CABP2: variants seen among roughly 807,000 people sequenced by gnomAD.
CABP2 encodes the protein calcium binding protein 2, also known as calcium-binding protein 2.
A neutral mutation model predicts 28.6 loss-of-function variants in CABP2; 25 were observed. The ratio of observed to expected loss-of-function variants is 0.87; its 90% confidence interval spans 0.64 to 1.22. The LOEUF is 1.22. Among genes scored for constraint, CABP2 ranks in the 50% most tolerant of loss-of-function variants. The pLI, the probability that CABP2 is intolerant of heterozygous loss-of-function variation, is 0.00. For synonymous variants in CABP2, 138 were observed against 126.0 expected (o/e 1.09, Z -0.64); for missense variants, 310 against 312.2 (o/e 0.99, Z 0.05).
Position 67,521,838 on chromosome 11 carries a change from T to G in CABP2, c.244+114A>C. 4 of 964,010 alleles carry G rather than the reference T, an allele frequency of 4.1e-6. No individual in the cohort carries two copies. The South Asian group carries it at 5.8e-5, about 14-fold the overall frequency. The allele number at this position is 964,010 out of a possible 1,614,324, so 59.7% of individuals were successfully genotyped here. ...CCCCTGCAGCCTTCTTGCTCCCACT[T>G]CCTCCTGGAAACACTGAGGCCCCCA... On this transcript the variant is annotated intron_variant, in intron 3 of 6. Transcript: ENST00000294288.
chr11:67,523,382 C>A lies in CABP2; in HGVS notation c.-56G>T, dbSNP rs771474385. ...CGGGGGTGGCCCGGGTGGGCCTCGG[C>A]GGATGCTGCTGCCTGAGGACTCCTG... is the stretch of plus-strand genomic sequence containing the variant. On this transcript the variant is annotated 5_prime_UTR_variant, in exon 1 of 7. Coordinates refer to ENST00000294288, the MANE Select transcript of CABP2 (RefSeq NM_016366.3). The A allele has an allele frequency of 3.4e-6, 5 of 1,475,662 alleles. No individual in the cohort carries two copies. The highest frequency in any genetic ancestry group is 1.3e-5 in the South Asian group (1 of 78,834). 91.4% of individuals were successfully genotyped at this position (1,475,662 alleles called of 1,614,324 possible). A position where few individuals can be genotyped will look rare whatever the true frequency, so the allele number is the denominator to read the frequency against.
At position 67,522,718 on chromosome 11, in the gene CABP2, T is replaced by C; in HGVS notation, c.43-2A>G. The C allele has an allele frequency of 6.7e-7, 1 of 1,485,290 alleles. No homozygotes were observed. Among genetic ancestry groups the C allele is most frequent in the Non-Finnish European group, 9.0e-7 (1 of 1,113,768 alleles). 92.0% of individuals were successfully genotyped at this position (1,485,290 alleles called of 1,614,324 possible). A position where few individuals can be genotyped will look rare whatever the true frequency, so the allele number is the denominator to read the frequency against. On this transcript the variant is annotated splice_acceptor_variant, in intron 1 of 6. Transcript: ENST00000294288. LOFTEE classifies it high-confidence loss of function. Reference sequence around the variant, plus strand: ...GGAGCCGAGCCACTGCAAGGGGTCCTGCAGCAGAGCCGGCCGTGAGCTGGG... The same window carrying C: ...GGAGCCGAGCCACTGCAAGGGGTCCCGCAGCAGAGCCGGCCGTGAGCTGGG...
chr11:67,519,818 A>G lies in CABP2; in HGVS notation c.612T>C (p.Asn204=). 6.2e-7 allele frequency: 1 copy of G among 1,614,036 alleles called. No homozygotes were observed. Among genetic ancestry groups the G allele is most frequent in the East Asian group, 2.2e-5 (1 of 44,884 alleles). ...VDEILQDVDL[N]GDGLVDFEEF... ...CTTCGAAGTCGACCAGACCGTCCCCATTGAGGTCCACGTCCTGGAGGATCT... is the reference window on the plus strand; with the variant it reads ...CTTCGAAGTCGACCAGACCGTCCCCGTTGAGGTCCACGTCCTGGAGGATCT... The change falls in exon 6 of 7, where the codon AAT becomes AAC. Residue 204 remains asparagine, a synonymous_variant. Coordinates refer to ENST00000294288, the MANE Select transcript of CABP2 (RefSeq NM_016366.3).
chr11:67,520,041 G>C lies in CABP2; in HGVS notation c.489+10C>G, dbSNP rs762453427. 6.2e-7 allele frequency: 1 copy of C among 1,610,454 alleles called. No homozygotes were observed. Among genetic ancestry groups the C allele is most frequent in the East Asian group, 2.2e-5 (1 of 44,850 alleles). ...GCAGCCCTGCCCGCCCTCAGCCCCA[G>C]TGGCCGCACCTCCCGGAAGGCGTCC... On this transcript the variant is annotated intron_variant, in intron 5 of 6. Coordinates refer to ENST00000294288, the MANE Select transcript of CABP2 (RefSeq NM_016366.3).
At chr11:67,520,030 C>T (rs1255773675) in intron 5 of CABP2, 21 bp downstream of exon 5, 2 of 1,608,398 alleles carry the variant, frequency 1.2e-6, no homozygotes, top group Non-Finnish European at 1.7e-6. Flanking sequence ...CCCTGCCCGC[C>T]CTCAGCCCCA....
At position 67,523,283 on chromosome 11, in the gene CABP2, A is replaced by T. The variant is rs1866778912; in HGVS notation, c.42+2T>A. 1.3e-6 allele frequency: 2 copies of T among 1,553,506 alleles called. No homozygotes were observed. Among genetic ancestry groups the T allele is most frequent in the Non-Finnish European group, 1.7e-6 (2 of 1,147,746 alleles). ...CTGGGTTTCTCCCCTGACCCCTCCT[A>T]CCTTAGGGCCCCGGCGCCAGGGCCG... is the stretch of plus-strand genomic sequence containing the variant. On this transcript the variant is annotated splice_donor_variant, in intron 1 of 6. Coordinates refer to ENST00000294288, the MANE Select transcript of CABP2 (RefSeq NM_016366.3). LOFTEE classifies it high-confidence loss of function.
Position 67,519,926 on chromosome 11 carries a change from C to T in CABP2, c.504G>A (p.Gly168=), listed in dbSNP as rs1017085785. The change falls in exon 6 of 7, where the codon GGG becomes GGA. Residue 168 remains glycine (G), a synonymous_variant. Transcript: ENST00000294288. The part of the protein sequence containing the change: ...RDAFREFDTN[G]DGRISVGELR... ...GCTCGCCCACGCTGATGCGGCCGTC[C>T]CCATTGGTGTCGAACTGTGGCGGCG... The T allele has an allele frequency of 3.7e-6, 6 of 1,608,866 alleles. No individual in the cohort carries two copies. The highest frequency in any genetic ancestry group is 3.3e-5 in the Admixed American group (2 of 59,918).
chr11:67,522,299 C>T (rs1038979789), intron 2 of CABP2, among the ~76,000 whole-genome samples: 1 of 152,148 alleles, frequency 6.6e-6, no homozygotes, highest in Non-Finnish European at 1.5e-5. Flanking sequence ...TTGGTCCCGC[C>T]AGCCTCAATG....
intron 3 of CABP2, 78 bp from the exon 4 acceptor site, chr11:67,521,237 GT>G: frequency 6.9e-7 from 1 of 1,443,628 alleles, no homozygotes; most frequent in Non-Finnish European, 9.4e-7. Flanking sequence ...TTCTCCCTTG[GT>G]CCAATCATCC....
chr11:67,521,626 C>T (rs1252974285), intron 3 of CABP2, among the ~76,000 whole-genome samples: 3 of 152,204 alleles, frequency 2.0e-5, no homozygotes. Flanking sequence ...ATCTGTCTAG[C>T]TGGCCATGTT....
At position 67,523,160 on chromosome 11, in the gene CABP2, T is replaced by C. The variant is rs534144050; in HGVS notation, c.42+125A>G. ...GAGGCTGTGGCTTCCAGGAAAAAAA[T>C]CTCCACCTGGGGCAGTGGGCAGCCC... is the stretch of plus-strand genomic sequence containing the variant. On this transcript the variant is annotated intron_variant, in intron 1 of 6. Coordinates refer to ENST00000294288, the MANE Select transcript of CABP2 (RefSeq NM_016366.3). The C allele has an allele frequency of 1.2e-5, 9 of 723,532 alleles. No homozygotes were observed. The Admixed American group carries it at 2.4e-4, about 20-fold the overall frequency. 44.8% of individuals were successfully genotyped at this position (723,532 alleles called of 1,614,324 possible).
intron 3 of CABP2, 38 bp downstream of exon 3, chr11:67,521,914 T>TCCCCCC: frequency 1.9e-6 from 1 of 529,956 alleles, no homozygotes; most frequent in Non-Finnish European, 2.5e-6. Context: ...CCATGCCACC[T>TCCCCCC]CCCCTTCAGG....
chr11:67,521,560 A>G (rs1866747938), intron 3 of CABP2, among the ~76,000 whole-genome samples: 1 of 152,026 alleles, frequency 6.6e-6, no homozygotes, highest in Non-Finnish European at 1.5e-5. Flanking sequence ...GAGCACATGC[A>G]CCATTTGTAC....
At chr11:67,520,273 C>G in intron 4 of CABP2, 113 bp from the exon 5 acceptor site, 3 of 668,036 alleles carry the variant, frequency 4.5e-6, no homozygotes, top group Admixed American at 4.9e-5. Context: ...CCTCCCTCTG[C>G]GCCAGAAGCC....
At chr11:67,522,507 C>T in intron 2 of CABP2, 39 bp downstream of exon 2, 1 of 1,551,262 alleles carries the variant, frequency 6.4e-7, no homozygotes, top group South Asian at 1.2e-5. Context: ...GGGAGAGGGG[C>T]AAGGGCAGGC....
At chr11:67,521,385 G>A (rs1394813007) in intron 3 of CABP2, among the ~76,000 whole-genome samples, 1 of 152,212 alleles carries the variant, frequency 6.6e-6, no homozygotes, top group Non-Finnish European at 1.5e-5. Flanking sequence ...GGATACAGCA[G>A]TGAAATTTTT....
Position 67,521,176 on chromosome 11 carries a change from GGTCA to G in CABP2, c.245-21_245-18del. On this transcript the variant is annotated intron_variant, in intron 3 of 6. Transcript: ENST00000294288. ...CCTGCAGCTCTGCCAGGCAGGGTGG[GGTCA>G]GTCCTTCCCCCACAACCCCCTGATC... 6.2e-7 allele frequency: 1 copy of G among 1,608,902 alleles called. No homozygotes were observed.
chr11:67,519,928 C>T lies in CABP2; in HGVS notation c.502G>A (p.Gly168Arg), dbSNP rs1866719751. 1 of 1,608,494 alleles carries T rather than the reference C, an allele frequency of 6.2e-7. No individual in the cohort carries two copies. Among genetic ancestry groups the T allele is most frequent in the African/African-American group, 1.3e-5 (1 of 74,916 alleles). ...RDAFREFDTNGDGRISVGELR... is the reference protein window; with the variant it reads ...RDAFREFDTNRDGRISVGELR... The stretch of plus-strand genomic sequence containing the variant: ...TCGCCCACGCTGATGCGGCCGTCCC[C>T]ATTGGTGTCGAACTGTGGCGGCGTT... The change falls in exon 6 of 7, where the codon GGG becomes AGG. Residue 168 changes from glycine (G) to arginine (R), a missense_variant. Gly to Arg is a moderately radical substitution (Grantham distance 125). Transcript: ENST00000294288.
In CABP2 at chr11:67,522,601, C is replaced by T. The variant is rs762250362; in HGVS notation, c.158G>A (p.Ser53Asn). Residue 53 changes from serine to asparagine, a missense_variant, in exon 2 of 7, where the codon AGC becomes AAC. Transcript: ENST00000294288. ...PGVQGYSVLN[S>N]LVGPACIFLR... The stretch of plus-strand genomic sequence containing the variant: ...GAAGATGCAGGCAGGCCCCACCAGG[C>T]TGTTGAGCACCGAGTAGCCCTGGAC... The T allele has an allele frequency of 6.4e-7, 1 of 1,551,758 alleles. No individual in the cohort carries two copies. Among genetic ancestry groups the T allele is most frequent in the Non-Finnish European group, 8.7e-7 (1 of 1,147,664 alleles).
Sources: allele counts gnomAD v4.1 joint callset (sites outside exome capture counted in the v4.1 genomes callset), GRCh38; gene constraint gnomAD v4.1.1; transcripts MANE v1.5; gene names NCBI Gene and HGNC (gene_info 2026-07-23, HGNC 2026-07-21).